Variants in RIC8B observed in about 807,000 individuals in gnomAD.
RIC8B encodes chaperone Ric-8B.
A neutral mutation model predicts 57.5 loss-of-function variants in RIC8B; 16 were observed. The observed-to-expected ratio is 0.28, with a 90% confidence interval of 0.19 to 0.42. The LOEUF (loss-of-function observed/expected upper bound fraction) is 0.42. Ranked by LOEUF, RIC8B falls within the 10% of genes least tolerant of loss-of-function variation. The pLI, the probability that RIC8B is intolerant of heterozygous loss-of-function variation, is 1.00. For missense variants in RIC8B, 481 were observed against 677.0 expected (o/e 0.71, Z 3.21); for synonymous variants, 216 against 250.8 (o/e 0.86, Z 1.31).
intron 6 of RIC8B, among the ~76,000 whole-genome samples, chr12:106,847,459 ATGG>A (rs1365643255): frequency 1.3e-5 from 2 of 152,214 alleles, no homozygotes; most frequent in African/African-American, 4.8e-5. Context: ...CGTACTAAGT[ATGG>A]TTCAATAATG....
chr12:106,832,285 G>A (rs2046384081), intron 4 of RIC8B, among the ~76,000 whole-genome samples: 1 of 151,548 alleles, frequency 6.6e-6, no homozygotes, highest in South Asian at 2.1e-4. Flanking sequence ...CTTGTTTATT[G>A]TTTCTCTCCT....
chr12:106,775,043 ATTC>A, intron 1 of RIC8B: 1 of 558,530 alleles, frequency 1.8e-6, no homozygotes, highest in Non-Finnish European at 3.2e-6. Context: ...CACTCCTCTG[ATTC>A]CTGGCCCAGC....
intron 4 of RIC8B, among the ~76,000 whole-genome samples, chr12:106,828,414 G>A (rs759231757): frequency 6.6e-6 from 1 of 152,148 alleles, no homozygotes; most frequent in African/African-American, 2.4e-5. Flanking sequence ...TTCTCTGTGT[G>A]TGTGTTTTAA....
At chr12:106,831,848 C>G (rs148260048) in intron 4 of RIC8B, among the ~76,000 whole-genome samples, 48 of 152,350 alleles carry the variant, frequency 3.2e-4, no homozygotes, top group African/African-American at 1.1e-3. Context: ...TGGGAACTCT[C>G]TGCCCCGAGA....
chr12:106,841,664 T>C (rs1382768513), intron 4 of RIC8B, among the ~76,000 whole-genome samples: 1 of 152,136 alleles, frequency 6.6e-6, no homozygotes, highest in Non-Finnish European at 1.5e-5. Flanking sequence ...CACTAGGAAA[T>C]AAAATGCCTG....
intron 3 of RIC8B, among the ~76,000 whole-genome samples, chr12:106,818,088 G>T (rs1413757085): frequency 1.3e-5 from 2 of 152,046 alleles, no homozygotes; most frequent in Non-Finnish European, 2.9e-5. Context: ...TATGCTCATT[G>T]TATAATATCA....
Position 106,791,631 on chromosome 12 carries a change from A to G in RIC8B, c.132+7587A>G, listed in dbSNP as rs187626342. Among the ~76,000 whole-genome samples, 10 of 152,304 alleles carry G rather than the reference A, an allele frequency of 6.6e-5. No homozygotes were observed. In the East Asian group the frequency reaches 1.5e-3, roughly 23 times the overall value. ...CCCCAGACACAAATGTATTTAGCATATTAGAGATCTCTGTAATCCACAAAT... is the reference window on the plus strand; with the variant it reads ...CCCCAGACACAAATGTATTTAGCATGTTAGAGATCTCTGTAATCCACAAAT... On this transcript the variant is annotated intron_variant, in intron 2 of 9. Transcript: ENST00000392837.
At chr12:106,864,958 T>G (rs1950081383) in intron 8 of RIC8B, among the ~76,000 whole-genome samples, 1 of 152,150 alleles carries the variant, frequency 6.6e-6, no homozygotes, top group Non-Finnish European at 1.5e-5. Flanking sequence ...ATAATGTCTT[T>G]AAGATTCGTT....
rs528995758 is a variant in RIC8B, at chr12:106,790,600, G to A, written c.132+6556G>A. Among the ~76,000 whole-genome samples, 13 of 152,204 alleles carry A rather than the reference G, an allele frequency of 8.5e-5. No homozygotes were observed. In the South Asian group the frequency reaches 2.7e-3, roughly 32 times the overall value. ...GTAGGATTGGTGGGGAGGATATAAT[G>A]AATAATCTGAAAATTCACATGTTGA... On this transcript the variant is annotated intron_variant, in intron 2 of 9. Transcript: ENST00000392837.
chr12:106,803,419 AGTTT>A (rs2044845039), intron 2 of RIC8B, among the ~76,000 whole-genome samples: 1 of 152,218 alleles, frequency 6.6e-6, no homozygotes, highest in South Asian at 2.1e-4. Flanking sequence ...AATTGGACAC[AGTTT>A]GTTTGACTGT....
At chr12:106,831,061 T>G (rs761005905) in intron 4 of RIC8B, among the ~76,000 whole-genome samples, 1 of 152,200 alleles carries the variant, frequency 6.6e-6, no homozygotes. Context: ...TATCTCTAAG[T>G]CCTCTTATAG....
At chr12:106,774,919 C>T (rs1355270416) in intron 1 of RIC8B, 90 bp downstream of exon 1, 2 of 962,320 alleles carry the variant, frequency 2.1e-6, no homozygotes, top group African/African-American at 3.3e-5. Flanking sequence ...CCCCCTCATT[C>T]CGGGGATGCG....
At chr12:106,848,963 G>C (rs1949335719) in intron 6 of RIC8B, among the ~76,000 whole-genome samples, 1 of 152,184 alleles carries the variant, frequency 6.6e-6, no homozygotes, top group African/African-American at 2.4e-5. Context: ...ACCAGAGGCT[G>C]GGAAGGATAA....
intron 1 of RIC8B, among the ~76,000 whole-genome samples, chr12:106,782,038 T>C (rs577398232): frequency 1.3e-5 from 2 of 152,172 alleles, no homozygotes; most frequent in African/African-American, 2.4e-5. Context: ...TTGTTCTTTA[T>C]TATCTATTTA....
chr12:106,854,723 A>G (rs1949641981), intron 7 of RIC8B, among the ~76,000 whole-genome samples: 1 of 152,158 alleles, frequency 6.6e-6, no homozygotes, highest in African/African-American at 2.4e-5. Context: ...CGGGAGGTGG[A>G]GGTTGCAGTG....
At position 106,814,810 on chromosome 12, in the gene RIC8B, G is replaced by C. The variant is rs747842516; in HGVS notation, c.247G>C (p.Val83Leu). The change falls in exon 3 of 10, where the codon GTG becomes CTG. Residue 83 changes from valine (V) to leucine (L), a missense_variant. By Grantham distance (32) the Val-to-Leu change is conservative. Transcript: ENST00000392837. ...CAGAGACAAAAAGGTTTTAGTTCCT[G>C]TGACAACTAAGGAAAATATGCAGAT... is the stretch of plus-strand genomic sequence containing the variant. ...LSRDKKVLVP[V>L]TTKENMQILL... 1.2e-6 allele frequency: 2 copies of C among 1,614,224 alleles called. No individual in the cohort carries two copies. The highest frequency in any genetic ancestry group is 1.7e-6 in the Non-Finnish European group (2 of 1,180,026).
intron 4 of RIC8B, among the ~76,000 whole-genome samples, chr12:106,829,540 T>G (rs915184805): frequency 3.9e-5 from 6 of 152,236 alleles, no homozygotes; most frequent in African/African-American, 1.2e-4. Context: ...GGGGACAATA[T>G]AGTACATAAT....
intron 2 of RIC8B, among the ~76,000 whole-genome samples, chr12:106,810,828 C>G (rs942146930): frequency 6.6e-6 from 1 of 152,194 alleles, no homozygotes; most frequent in Non-Finnish European, 1.5e-5. Context: ...CTGTACTGAA[C>G]ATTTATCACT....
In RIC8B at chr12:106,868,772, C is replaced by G. The variant is rs1245114660; in HGVS notation, c.1452-2051C>G. On this transcript the variant is annotated intron_variant, in intron 8 of 9. Transcript: ENST00000392837. ...GTCTAAAGCAGGCACTCTAGACACA[C>G]ACACACACACACACACACACACACA... Among the ~76,000 whole-genome samples, 10 of 42,514 alleles carry G rather than the reference C, an allele frequency of 2.4e-4. No homozygotes were observed. The East Asian group carries it at 4.8e-3, about 21-fold the overall frequency. The allele number at this position is 42,514 out of a possible 152,430, so 27.9% of individuals were successfully genotyped here.
Sources: gnomAD v4.1 joint callset for allele counts (sites outside exome capture counted in the v4.1 genomes callset) on GRCh38, gnomAD v4.1.1 for gene constraint, MANE v1.5 for transcripts, NCBI Gene and HGNC (gene_info 2026-07-23, HGNC 2026-07-21) for gene names.